Variants in NKAIN2 observed in about 807,000 individuals in gnomAD.
NKAIN2 encodes the protein sodium/potassium-transporting ATPase subunit beta-1-interacting protein 2.
A neutral mutation model predicts 32.6 loss-of-function variants in NKAIN2; 14 were observed. The observed-to-expected ratio is 0.43, with a 90% CI of 0.28 to 0.67. The LOEUF is 0.67. Ranked by LOEUF, NKAIN2 falls within the 30% of genes least tolerant of loss-of-function variation. The probability of loss-of-function intolerance (pLI) is 0.17; values close to 1 mark genes in which losing one functional copy is unlikely to be tolerated. For missense variants in NKAIN2, 198 were observed against 258.3 expected, an observed-to-expected ratio of 0.77 and a Z score of 1.60; for synonymous variants, 80 against 87.2, an observed-to-expected ratio of 0.92 and a Z score of 0.46.
intron 3 of NKAIN2, among the ~76,000 whole-genome samples, chr6:124,437,108 A>G (rs1018165995): frequency 2.0e-5 from 3 of 152,092 alleles, no homozygotes; most frequent in Non-Finnish European, 4.4e-5. Flanking sequence ...CCTATTTTAA[A>G]ATTTCAGTCT....
intron 1 of NKAIN2, among the ~76,000 whole-genome samples, chr6:123,855,687 G>A (rs1372555929): frequency 2.6e-5 from 4 of 152,190 alleles, no homozygotes; most frequent in Non-Finnish European, 5.9e-5. Flanking sequence ...ATATGCTGGT[G>A]TTTTTGCATT....
chr6:124,802,025 T>G (rs771078501), intron 5 of NKAIN2, among the ~76,000 whole-genome samples: 1 of 152,190 alleles, frequency 6.6e-6, no homozygotes, highest in Non-Finnish European at 1.5e-5. Flanking sequence ...CATGGGACAT[T>G]CTCTTTCCTG....
At chr6:124,393,546 G>C (rs73578415) in intron 3 of NKAIN2, among the ~76,000 whole-genome samples, 6,318 of 152,166 alleles carry the variant, frequency 0.042, 385 homozygotes, top group African/African-American at 0.14. Context: ...AAAAATAATA[G>C]AGCATTGCTG....
chr6:124,774,836 A>G (rs1414428459), intron 4 of NKAIN2, among the ~76,000 whole-genome samples: 2 of 147,704 alleles, frequency 1.4e-5, no homozygotes, highest in South Asian at 4.4e-4. Context: ...AGCATGGGCT[A>G]GAAGAGCAAA....
At chr6:124,342,841 AT>A in intron 2 of NKAIN2, among the ~76,000 whole-genome samples, 1 of 136,574 alleles carries the variant, frequency 7.3e-6, no homozygotes, top group African/African-American at 2.8e-5. Flanking sequence ...TATTATTATT[AT>A]TATTATACTT....
At chr6:124,503,639 T>G (rs1363059461) in intron 3 of NKAIN2, among the ~76,000 whole-genome samples, 1 of 152,120 alleles carries the variant, frequency 6.6e-6, no homozygotes, top group Non-Finnish European at 1.5e-5. Flanking sequence ...CTTCAAAGAA[T>G]AGTTCTTCAA....
intron 1 of NKAIN2, among the ~76,000 whole-genome samples, chr6:124,257,953 G>A (rs1794030941): frequency 6.6e-6 from 1 of 151,248 alleles, no homozygotes; most frequent in Non-Finnish European, 1.5e-5. Context: ...GTAATTTTTT[G>A]TATTTTTAGT....
At chr6:124,126,586 GAC>G (rs34380543) in intron 1 of NKAIN2, among the ~76,000 whole-genome samples, 93,059 of 151,828 alleles carry the variant, frequency 0.61, 28,707 homozygotes, top group East Asian at 0.74. Flanking sequence ...CCTACTGGAG[GAC>G]ACTGATTTAG....
At chr6:124,704,695 T>C (rs940188023) in intron 4 of NKAIN2, among the ~76,000 whole-genome samples, 1 of 151,796 alleles carries the variant, frequency 6.6e-6, no homozygotes, top group Non-Finnish European at 1.5e-5. Flanking sequence ...GGTTGGATGT[T>C]TGCATTATCC....
chr6:123,811,417 G>T (rs1042113049), intron 1 of NKAIN2, among the ~76,000 whole-genome samples: 2 of 70,766 alleles, frequency 2.8e-5, no homozygotes, highest in African/African-American at 2.7e-4. Flanking sequence ...CTGGGGTGGG[G>T]GTTGTGGGGG....
intron 1 of NKAIN2, among the ~76,000 whole-genome samples, chr6:123,941,500 G>A (rs1162921503): frequency 2.6e-5 from 4 of 151,752 alleles, no homozygotes; most frequent in African/African-American, 9.7e-5. Context: ...TTATGATGGT[G>A]TTGATAGAAA....
At chr6:124,371,763 AGAGTT>A (rs1799775294) in intron 3 of NKAIN2, among the ~76,000 whole-genome samples, 1 of 151,700 alleles carries the variant, frequency 6.6e-6, no homozygotes, top group Non-Finnish European at 1.5e-5. Context: ...GTGTTGTGTT[AGAGTT>A]TTCTTTTATA....
intron 3 of NKAIN2, among the ~76,000 whole-genome samples, chr6:124,576,102 A>G (rs964178345): frequency 6.6e-6 from 1 of 152,222 alleles, no homozygotes; most frequent in Non-Finnish European, 1.5e-5. Flanking sequence ...AGCATTAAAA[A>G]TTACTGATTT....
chr6:123,917,914 G>C (rs1242543791), intron 1 of NKAIN2, among the ~76,000 whole-genome samples: 1 of 152,094 alleles, frequency 6.6e-6, no homozygotes, highest in Non-Finnish European at 1.5e-5. Flanking sequence ...GGAGCTAATT[G>C]TTAAAATTTT....
At chr6:124,706,948 G>C (rs561590738) in intron 4 of NKAIN2, among the ~76,000 whole-genome samples, 7 of 151,224 alleles carry the variant, frequency 4.6e-5, no homozygotes, top group African/African-American at 1.7e-4. Context: ...CCACTAACTC[G>C]TCATCTAGCA....
chr6:124,041,158 T>C (rs1781854547), intron 1 of NKAIN2, among the ~76,000 whole-genome samples: 1 of 152,074 alleles, frequency 6.6e-6, no homozygotes, highest in Non-Finnish European at 1.5e-5. Flanking sequence ...CTCTACTTTA[T>C]GGTTATTGCA....
intron 1 of NKAIN2, among the ~76,000 whole-genome samples, chr6:123,968,945 CATG>C (rs1778212913): frequency 6.6e-6 from 1 of 152,158 alleles, no homozygotes; most frequent in African/African-American, 2.4e-5. Flanking sequence ...TCCTCTGGGC[CATG>C]AGCTCTGTGA....
At chr6:124,712,106 G>C (rs1775506635) in intron 4 of NKAIN2, among the ~76,000 whole-genome samples, 1 of 151,590 alleles carries the variant, frequency 6.6e-6, no homozygotes, top group Admixed American at 6.6e-5. Flanking sequence ...CCCTGCTGGG[G>C]GGTGCCTCCC....
chr6:124,089,765 C>T (rs145106726), intron 1 of NKAIN2, among the ~76,000 whole-genome samples: 21 of 152,094 alleles, frequency 1.4e-4, no homozygotes, highest in African/African-American at 4.6e-4. Context: ...TATCTAGTGA[C>T]TGACTGTCAG....
Sources: gnomAD v4.1 joint callset for allele counts (sites outside exome capture counted in the v4.1 genomes callset) on GRCh38, gnomAD v4.1.1 for gene constraint, MANE v1.5 for transcripts, NCBI Gene and HGNC (gene_info 2026-07-23, HGNC 2026-07-21) for gene names.